VSIG10: variants seen among roughly 807,000 people sequenced by gnomAD.
The protein encoded by VSIG10 is V-set and immunoglobulin domain-containing protein 10.
A neutral mutation model predicts 58.7 loss-of-function variants in VSIG10; 48 were observed. That is an observed-to-expected ratio of 0.82 (90% CI 0.65 to 1.04). The LOEUF (loss-of-function observed/expected upper bound fraction) is 1.04, where lower values mean the gene tolerates loss of function less well. Ranked by LOEUF, VSIG10 falls within the 50% of genes least tolerant of loss-of-function variation. The pLI is 0.00. For missense variants in VSIG10, 628 were observed against 670.0 expected, an observed-to-expected ratio of 0.94 and a Z score of 0.69; for synonymous variants, 260 against 267.1, an observed-to-expected ratio of 0.97 and a Z score of 0.26.
intron 5 of VSIG10, among the ~76,000 whole-genome samples, chr12:118,072,840 T>G: frequency 6.6e-6 from 1 of 152,282 alleles, no homozygotes; most frequent in Non-Finnish European, 1.5e-5. Context: ...CCAGTGAAAT[T>G]TGGATTTCAG....
chr12:118,103,961 A>C lies in VSIG10; in HGVS notation c.-290T>G, dbSNP rs1488333437. 8 of 318,622 alleles carry C rather than the reference A, an allele frequency of 2.5e-5. No individual in the cohort carries two copies. The highest frequency in any genetic ancestry group is 4.0e-5 in the Non-Finnish European group (7 of 173,870). 19.7% of individuals were successfully genotyped at this position (318,622 alleles called of 1,614,324 possible). ...CCTACTCCTGCCGGCGGAAAACAAC[A>C]GGAGCGGGATCCCTCCCGCCTCCCA... On this transcript the variant is annotated 5_prime_UTR_variant, in exon 1 of 9. Coordinates refer to ENST00000359236, the MANE Select transcript of VSIG10 (RefSeq NM_019086.6).
intron 4 of VSIG10, among the ~76,000 whole-genome samples, chr12:118,075,188 A>G (rs995543947): frequency 6.1e-5 from 9 of 146,646 alleles, no homozygotes; most frequent in Middle Eastern, 3.6e-3. Context: ...ATGTGTGTAT[A>G]TATATATGTG....
intron 1 of VSIG10, among the ~76,000 whole-genome samples, chr12:118,097,716 G>T (rs1309175847): frequency 1.3e-5 from 2 of 151,752 alleles, no homozygotes; most frequent in Admixed American, 6.6e-5. Flanking sequence ...GAGCTCAGGA[G>T]TTCGAGACTA....
At position 118,065,748 on chromosome 12, in the gene VSIG10, G is replaced by A. The variant is rs2032224016; in HGVS notation, c.*891C>T. 2 of 152,226 alleles carry A rather than the reference G, an allele frequency of 1.3e-5. No homozygotes were observed. Among genetic ancestry groups the A allele is most frequent in the South Asian group, 2.1e-4 (1 of 4,834 alleles). The allele number at this position is 152,226 out of a possible 1,614,324, so 9.4% of individuals were successfully genotyped here. ...AAATGGATTATGTTTTTCAATGAAT[G>A]GATCTTACAAAGATGTTTTTCAATA... On this transcript the variant is annotated 3_prime_UTR_variant, in exon 9 of 9. Transcript: ENST00000359236.
intron 2 of VSIG10, 63 bp from the exon 3 acceptor site, chr12:118,082,492 C>A (rs550426463): frequency 1.4e-6 from 2 of 1,470,432 alleles, no homozygotes; most frequent in South Asian, 2.5e-5. Flanking sequence ...ATTGCCTTAC[C>A]AACTCTAATA....
chr12:118,066,184 T>A lies in VSIG10; in HGVS notation c.*455A>T, dbSNP rs2032239581. 6.7e-6 allele frequency: 1 copy of A among 149,264 alleles called. No individual in the cohort carries two copies. Among genetic ancestry groups the A allele is most frequent in the African/African-American group, 2.8e-5 (1 of 35,274 alleles). The allele number at this position is 149,264 out of a possible 1,614,324, so 9.2% of individuals were successfully genotyped here. On this transcript the variant is annotated 3_prime_UTR_variant, in exon 9 of 9. Transcript: ENST00000359236. ...TCGCTTGAACCTGGGAGGCAGAAGT[T>A]GTGGTGAGCCAAGATCGTGCCATTG...
At chr12:118,090,998 G>A (rs1438663560) in intron 2 of VSIG10, among the ~76,000 whole-genome samples, 1 of 151,962 alleles carries the variant, frequency 6.6e-6, no homozygotes, top group African/African-American at 2.4e-5. Context: ...TAGCAGGTTT[G>A]GTGGCACACA....
chr12:118,090,575 G>A (rs1036596307), intron 2 of VSIG10, among the ~76,000 whole-genome samples: 3 of 152,118 alleles, frequency 2.0e-5, no homozygotes, highest in African/African-American at 7.2e-5. Flanking sequence ...CTGCCACGCC[G>A]GCCTTCTCCC....
chr12:118,101,084 A>C (rs2033611500), intron 1 of VSIG10, among the ~76,000 whole-genome samples: 1 of 152,208 alleles, frequency 6.6e-6, no homozygotes, highest in Non-Finnish European at 1.5e-5. Context: ...TGATCACAAA[A>C]GAAACCATTT....
chr12:118,066,245 C>CAAAAAAAAAAAAAA lies in VSIG10; in HGVS notation c.*380_*393dup, dbSNP rs35019751. 1 of 40,000 alleles carries CAAAAAAAAAAAAAA rather than the reference C, an allele frequency of 2.5e-5. No individual in the cohort carries two copies. The highest frequency in any genetic ancestry group is 1.3e-4 in the African/African-American group (1 of 7,440). The allele number at this position is 40,000 out of a possible 1,614,324, so 2.5% of individuals were successfully genotyped here. The stretch of plus-strand genomic sequence containing the variant: ...TGGGCAATAGAGGGAGACTCCGTCT[C>CAAAAAAAAAAAAAA]AAAAAAAAAAAAAAAAAAAAAAAAA... On this transcript the variant is annotated 3_prime_UTR_variant, in exon 9 of 9. Coordinates refer to ENST00000359236, the MANE Select transcript of VSIG10 (RefSeq NM_019086.6).
At position 118,073,997 on chromosome 12, in the gene VSIG10, T is replaced by C. The variant is rs370651119; in HGVS notation, c.926-5A>G. 613 of 1,540,702 alleles carry C rather than the reference T, an allele frequency of 4.0e-4. 1 individual carries two copies. The highest frequency in any genetic ancestry group is 4.7e-4 in the Non-Finnish European group (534 of 1,143,718). On this transcript the variant is annotated splice_polypyrimidine_tract_variant and splice_region_variant and intron_variant, in intron 4 of 8. Coordinates refer to ENST00000359236, the MANE Select transcript of VSIG10 (RefSeq NM_019086.6). ...CAGAGAGAAGGGAGGGACCCCCTGG[T>C]GATCAGAAGGTAAACAAAGACAAAT...
At chr12:118,094,106 G>GT (rs1237695019) in intron 2 of VSIG10, among the ~76,000 whole-genome samples, 3 of 151,660 alleles carry the variant, frequency 2.0e-5, no homozygotes, top group African/African-American at 4.8e-5. Context: ...GACTCCATAT[G>GT]TTTTTTTTAG....
At chr12:118,074,871 T>C (rs1471069693) in intron 4 of VSIG10, among the ~76,000 whole-genome samples, 3 of 152,194 alleles carry the variant, frequency 2.0e-5, no homozygotes, top group African/African-American at 7.2e-5. Context: ...TTCTGAGTCG[T>C]GTGACGAAAT....
intron 5 of VSIG10, among the ~76,000 whole-genome samples, chr12:118,073,192 A>G (rs963790594): frequency 6.6e-6 from 1 of 151,896 alleles, no homozygotes; most frequent in Admixed American, 6.6e-5. Context: ...CTCCCAAGTA[A>G]TTTTGTATTT....
At chr12:118,071,097 T>C in intron 6 of VSIG10, 30 bp from the exon 7 acceptor site, 1 of 1,582,542 alleles carries the variant, frequency 6.3e-7, no homozygotes, top group Non-Finnish European at 8.6e-7. Context: ...ACCATTAATA[T>C]CCAGTAACAT....
intron 3 of VSIG10, 130 bp from the exon 4 acceptor site, chr12:118,079,736 C>T: frequency 7.8e-7 from 1 of 1,280,830 alleles, no homozygotes; most frequent in South Asian, 1.4e-5. Context: ...CATCTAATAG[C>T]TCCTAGCACA....
intron 3 of VSIG10, among the ~76,000 whole-genome samples, chr12:118,080,974 C>T (rs143273698): frequency 5.9e-5 from 9 of 152,242 alleles, no homozygotes; most frequent in African/African-American, 2.2e-4. Context: ...GGAATGGTGG[C>T]TCATGCCTGT....
intron 7 of VSIG10, 23 bp from the exon 8 acceptor site, chr12:118,068,620 A>C (rs1253714823): frequency 6.6e-7 from 1 of 1,508,346 alleles, no homozygotes; most frequent in Non-Finnish European, 8.9e-7. Context: ...GGGGAAAAAT[A>C]ATCAAGAAGA....
chr12:118,079,476 T>C lies in VSIG10; in HGVS notation c.795A>G (p.Val265=). The change falls in exon 4 of 9, where the codon GTA becomes GTG. Residue 265 remains valine (V), a synonymous_variant. Transcript: ENST00000359236. ...DFLWIEEPGG[V]IVGKSKLGVE... ...CCCCCAGCTTTGACTTCCCCACGAT[T>C]ACACCTCCTGGCTCTTCTATCCACA... 1.2e-6 allele frequency: 2 copies of C among 1,614,014 alleles called. No homozygotes were observed. Among genetic ancestry groups the C allele is most frequent in the Non-Finnish European group, 1.7e-6 (2 of 1,179,898 alleles).
Sources: allele counts gnomAD v4.1 joint callset (sites outside exome capture counted in the v4.1 genomes callset), GRCh38; gene constraint gnomAD v4.1.1; transcripts MANE v1.5; gene names NCBI Gene and HGNC (gene_info 2026-07-23, HGNC 2026-07-21).